Variants in IQUB observed in about 807,000 individuals in gnomAD.
IQUB encodes IQ motif and ubiquitin-like domain-containing protein.
Under a neutral mutation model 86.4 loss-of-function variants are expected in IQUB, and 86 were observed. The ratio of observed to expected loss-of-function variants is 1.00; its 90% CI spans 0.84 to 1.19. The LOEUF is 1.19. Among genes scored for constraint, IQUB ranks in the 50% most tolerant of loss-of-function variants. The pLI is 0.00. For missense variants in IQUB, 946 were observed against 916.9 expected, an observed-to-expected ratio of 1.03 and a Z score of -0.41; for synonymous variants, 289 against 304.5, an observed-to-expected ratio of 0.95 and a Z score of 0.53.
At chr7:123,489,469 T>C (rs1439639022) in intron 7 of IQUB, among the ~76,000 whole-genome samples, 2 of 151,896 alleles carry the variant, frequency 1.3e-5, no homozygotes, top group African/African-American at 4.8e-5. Context: ...TGTAGACTTC[T>C]CAAGAAATTC....
At position 123,457,414 on chromosome 7, in the gene IQUB, T is replaced by C. The variant is rs10234745; in HGVS notation, c.2160A>G (p.Ala720=). 0.3 allele frequency: 477,866 copies of C among 1,609,916 alleles called. 72,044 individuals carry two copies. Among genetic ancestry groups the C allele is most frequent in the African/African-American group, 0.39 (29,299 of 74,600 alleles). ...TACTTGTTAGCTTGAGATGAGCAGC[T>C]GCTTCATCTTTGGTAAGAAGAATGC... ...WNCILLTKDE[A]AAHLKLTSIE... Residue 720 remains alanine (A), a synonymous_variant, in exon 12 of 13, where the codon GCA becomes GCG. Transcript: ENST00000324698.
chr7:123,493,795 A>T (rs1795594980), intron 7 of IQUB, among the ~76,000 whole-genome samples: 1 of 150,354 alleles, frequency 6.7e-6, no homozygotes, highest in Non-Finnish European at 1.5e-5. Context: ...ATATATACAT[A>T]TACACAAGTA....
intron 1 of IQUB, among the ~76,000 whole-genome samples, chr7:123,514,252 C>T (rs1343727687): frequency 2.6e-5 from 4 of 151,942 alleles, no homozygotes; most frequent in Non-Finnish European, 5.9e-5. Context: ...CAACAATAGG[C>T]TAACTGAAAG....
At chr7:123,509,211 G>A (rs961686854) in intron 3 of IQUB, among the ~76,000 whole-genome samples, 4 of 152,114 alleles carry the variant, frequency 2.6e-5, no homozygotes, top group Non-Finnish European at 5.9e-5. Context: ...ATGTTAGTCT[G>A]ATCAACTGTA....
At position 123,452,878 on chromosome 7, in the gene IQUB, C is replaced by A. The variant is rs766454393; in HGVS notation, c.2241G>T (p.Leu747=). 1 of 1,613,276 alleles carries A rather than the reference C, an allele frequency of 6.2e-7. No individual in the cohort carries two copies. The highest frequency in any genetic ancestry group is 1.7e-5 in the Admixed American group (1 of 59,970). The change falls in exon 13 of 13, where the codon CTG becomes CTT. Residue 747 remains leucine, a synonymous_variant. Coordinates refer to ENST00000324698, the MANE Select transcript of IQUB (RefSeq NM_178827.5). ...FIHKIKHKHI[L]AKNYFSQVPV... is the part of the protein sequence containing the mutation. ...GAACCTGAGAAAAATAGTTCTTAGC[C>A]AGGATATGTTTGTGTTTGATCTTGT...
At chr7:123,527,831 G>A (rs1797321541) in intron 1 of IQUB, among the ~76,000 whole-genome samples, 2 of 152,200 alleles carry the variant, frequency 1.3e-5, no homozygotes, top group Admixed American at 1.3e-4. Context: ...CTTGAGCTGT[G>A]GTGGGCTCCA....
At chr7:123,528,746 A>G (rs912903696) in intron 1 of IQUB, among the ~76,000 whole-genome samples, 1 of 152,248 alleles carries the variant, frequency 6.6e-6, no homozygotes. Flanking sequence ...CATCAGATAT[A>G]TTATCAGAGA....
At chr7:123,477,500 C>G (rs1437349441) in intron 8 of IQUB, among the ~76,000 whole-genome samples, 3 of 152,126 alleles carry the variant, frequency 2.0e-5, no homozygotes, top group Admixed American at 1.3e-4. Context: ...AGGAGAAAAC[C>G]TAGGCAATAC....
At chr7:123,524,910 AG>A (rs1292355413) in intron 1 of IQUB, among the ~76,000 whole-genome samples, 5 of 150,200 alleles carry the variant, frequency 3.3e-5, no homozygotes, top group East Asian at 3.9e-4. Flanking sequence ...TTTAGCATGA[AG>A]TGTTGTTGAA....
chr7:123,484,282 A>T (rs1043535856), intron 7 of IQUB, among the ~76,000 whole-genome samples: 1 of 152,090 alleles, frequency 6.6e-6, no homozygotes, highest in Non-Finnish European at 1.5e-5. Context: ...TAAAAAATCT[A>T]TGATTGATGA....
chr7:123,452,766 C>T lies in IQUB; in HGVS notation c.2353G>A (p.Glu785Lys), dbSNP rs1324927690. Residue 785 changes from glutamate (E) to lysine (K), a missense_variant, in exon 13 of 13, where the codon GAA becomes AAA. Glu to Lys is a moderately conservative substitution (Grantham distance 56). Transcript: ENST00000324698. ...YHSDTTPKII[E>K]SQRPPH is the part of the protein sequence containing the mutation. Reference sequence around the variant, plus strand: ...ACCTAATGAGGAGGCCTCTGGGATTCTATAATCTTAGGTGTTGTGTCTGAG... The same window carrying T: ...ACCTAATGAGGAGGCCTCTGGGATTTTATAATCTTAGGTGTTGTGTCTGAG... 2 of 1,612,668 alleles carry T rather than the reference C, an allele frequency of 1.2e-6. No homozygotes were observed. Among genetic ancestry groups the T allele is most frequent in the African/African-American group, 1.3e-5 (1 of 74,838 alleles).
intron 8 of IQUB, among the ~76,000 whole-genome samples, chr7:123,474,768 T>C (rs1451156783): frequency 6.6e-6 from 1 of 152,220 alleles, no homozygotes; most frequent in Admixed American, 6.5e-5. Flanking sequence ...TACAAGTCTT[T>C]AGTCAAAACT....
chr7:123,533,083 G>C (rs1293958815), intron 1 of IQUB: 8 of 152,216 alleles, frequency 5.3e-5, no homozygotes, highest in Admixed American at 5.2e-4. Context: ...TGCCGCCGCC[G>C]ATAGCCCCAC....
intron 10 of IQUB, among the ~76,000 whole-genome samples, chr7:123,462,035 A>G (rs997470731): frequency 6.6e-6 from 1 of 151,872 alleles, no homozygotes; most frequent in African/African-American, 2.4e-5. Flanking sequence ...TTTATCTTCA[A>G]AATAAATTTA....
chr7:123,465,015 T>G lies in IQUB; in HGVS notation c.1582-6A>C. 5.9e-6 allele frequency: 9 copies of G among 1,529,642 alleles called. No individual in the cohort carries two copies. Among genetic ancestry groups the G allele is most frequent in the Non-Finnish European group, 8.0e-6 (9 of 1,131,124 alleles). 94.8% of individuals were successfully genotyped at this position (1,529,642 alleles called of 1,614,324 possible). On this transcript the variant is annotated splice_region_variant and splice_polypyrimidine_tract_variant and intron_variant, in intron 9 of 12. Coordinates refer to ENST00000324698, the MANE Select transcript of IQUB (RefSeq NM_178827.5). ...GTTAGTTTACATTCATGTTCCTATA[T>G]AAAACACAAAAATATATGGTATAAA...
intron 1 of IQUB, among the ~76,000 whole-genome samples, chr7:123,519,636 G>A (rs977200470): frequency 6.6e-6 from 1 of 152,184 alleles, no homozygotes; most frequent in African/African-American, 2.4e-5. Flanking sequence ...ATGGTTACCA[G>A]AAGCTGAGAA....
At chr7:123,517,547 A>G (rs1429748950) in intron 1 of IQUB, among the ~76,000 whole-genome samples, 15 of 150,026 alleles carry the variant, frequency 1.0e-4, no homozygotes, top group Admixed American at 9.3e-4. Context: ...AAAAAAAAAA[A>G]AAAAAAAAAA....
At chr7:123,454,732 A>G (rs140335570) in intron 12 of IQUB, among the ~76,000 whole-genome samples, 153 of 152,232 alleles carry the variant, frequency 1.0e-3, no homozygotes, top group African/African-American at 3.6e-3. Flanking sequence ...ATGTGTCTCA[A>G]TCTGGGTTTG....
intron 11 of IQUB, chr7:123,458,064 A>G (rs1793799847): frequency 6.6e-6 from 1 of 152,144 alleles, no homozygotes; most frequent in Admixed American, 6.6e-5. Context: ...TATGGTTCCA[A>G]TTTCAGTATA....
Sources: gnomAD v4.1 joint callset for allele counts (sites outside exome capture counted in the v4.1 genomes callset) on GRCh38, gnomAD v4.1.1 for gene constraint, MANE v1.5 for transcripts, NCBI Gene and HGNC (gene_info 2026-07-23, HGNC 2026-07-21) for gene names.